The following PIK3C2G variants were observed in gnomAD, a reference collection of about 807,000 sequenced individuals.
PIK3C2G encodes phosphatidylinositol-4-phosphate 3-kinase catalytic subunit type 2 gamma.
A neutral mutation model predicts 181.1 loss-of-function variants in PIK3C2G; 168 were observed. The observed-to-expected ratio is 0.93, with a 90% confidence interval of 0.82 to 1.05. The LOEUF (loss-of-function observed/expected upper bound fraction) is 1.05. Among genes scored for constraint, PIK3C2G ranks in the 50% least tolerant of loss-of-function variants. PIK3C2G has a pLI of 0.00. For synonymous variants in PIK3C2G, 573 were observed against 592.2 expected (o/e 0.97, Z 0.47); for missense variants, 1,869 against 1,732.8 (o/e 1.08, Z -1.40).
At chr12:18,559,795 T>C (rs1451269784) in intron 26 of PIK3C2G, among the ~76,000 whole-genome samples, 6 of 47,232 alleles carry the variant, frequency 1.3e-4, no homozygotes, top group African/African-American at 4.7e-4. Context: ...TATATATATA[T>C]ATATATATAT....
In PIK3C2G at chr12:18,529,359, A is replaced by T. The variant is rs556298193; in HGVS notation, c.3324-8797A>T. Among the ~76,000 whole-genome samples, 41 of 152,042 alleles carry T rather than the reference A, an allele frequency of 2.7e-4. No homozygotes were observed. The East Asian group carries it at 3.5e-3, about 13-fold the overall frequency. ...GTTTTAAGATTTTTCTTACTTTTTT[A>T]AAAAAAATCTAATAGGTACAGTTAA... On this transcript the variant is annotated intron_variant, in intron 24 of 32. Coordinates refer to ENST00000538779, the MANE Select transcript of PIK3C2G (RefSeq NM_001288772.2).
intron 32 of PIK3C2G, among the ~76,000 whole-genome samples, chr12:18,646,611 C>G (rs1458083178): frequency 6.6e-6 from 1 of 152,122 alleles, no homozygotes; most frequent in Non-Finnish European, 1.5e-5. Context: ...GAGGGCTGCC[C>G]TCTCAAGTTG....
chr12:18,549,734 T>A (rs1944624854), intron 26 of PIK3C2G, among the ~76,000 whole-genome samples: 1 of 152,024 alleles, frequency 6.6e-6, no homozygotes. Flanking sequence ...ACCTCAAGCA[T>A]CAGCAGAGAA....
chr12:18,362,972 T>C (rs1941373005), intron 12 of PIK3C2G, 86 bp downstream of exon 12: 3 of 1,038,364 alleles, frequency 2.9e-6, no homozygotes, highest in Non-Finnish European at 2.7e-6. Context: ...GGGATGTAAT[T>C]TAAAAAAAAT....
At chr12:18,693,961 C>G in the PIK3C2G span, 2 of 1,514,474 alleles carry the variant, frequency 1.3e-6, no homozygotes, top group Non-Finnish European at 1.8e-6. Context: ...GTGCTGACAT[C>G]AAGGCAGTCT....
intron 18 of PIK3C2G, among the ~76,000 whole-genome samples, chr12:18,440,558 G>A (rs1418573830): frequency 2.0e-5 from 3 of 152,080 alleles, no homozygotes; most frequent in Non-Finnish European, 4.4e-5. Context: ...AGAGTGAACC[G>A]CCTATGTATC....
At chr12:18,675,462 T>C in the PIK3C2G span, among the ~76,000 whole-genome samples, 6 of 152,132 alleles carry the variant, frequency 3.9e-5, no homozygotes, top group Non-Finnish European at 8.8e-5. Flanking sequence ...AAAGTATGGG[T>C]ATTTCTCACA....
At chr12:18,682,826 T>C in the PIK3C2G span, among the ~76,000 whole-genome samples, 2 of 152,022 alleles carry the variant, frequency 1.3e-5, no homozygotes, top group Admixed American at 6.6e-5. Context: ...ATCTAATTCC[T>C]TCCCACAAAA....
At chr12:18,708,307 C>T in the PIK3C2G span, among the ~76,000 whole-genome samples, 1 of 152,144 alleles carries the variant, frequency 6.6e-6, no homozygotes, top group Admixed American at 6.5e-5. Context: ...TTTCACTTAA[C>T]ATAATGTCCT....
rs139200645 is a variant in PIK3C2G at position 18,312,052 on chromosome 12, C to T, written c.1035-1910C>T. On this transcript the variant is annotated intron_variant, in intron 5 of 32. Coordinates refer to ENST00000538779, the MANE Select transcript of PIK3C2G (RefSeq NM_001288772.2). ...TAGTCCTTCCACGTTTCTCTGCCTGCTTTTATTCTAGCCATGCTGGCAGCT... is the reference window on the plus strand; with the variant it reads ...TAGTCCTTCCACGTTTCTCTGCCTGTTTTTATTCTAGCCATGCTGGCAGCT... Among the ~76,000 whole-genome samples, 236 of 152,202 alleles carry T rather than the reference C, an allele frequency of 1.6e-3. 4 individuals carry two copies. In the East Asian group the frequency reaches 0.043, roughly 28 times the overall value.
intron 16 of PIK3C2G, among the ~76,000 whole-genome samples, chr12:18,415,647 T>C (rs950997458): frequency 7.2e-5 from 11 of 152,254 alleles, no homozygotes; most frequent in South Asian, 2.1e-4. Flanking sequence ...AAAGCTTAGA[T>C]AGGCTAAAAG....
intron 5 of PIK3C2G, among the ~76,000 whole-genome samples, chr12:18,303,506 C>T (rs921822135): frequency 2.6e-5 from 4 of 151,824 alleles, no homozygotes; most frequent in Admixed American, 1.3e-4. Flanking sequence ...TATCTAATTT[C>T]GAATTTTTAG....
chr12:18,610,238 C>G (rs904128971), intron 31 of PIK3C2G, among the ~76,000 whole-genome samples: 2 of 152,008 alleles, frequency 1.3e-5, no homozygotes, highest in African/African-American at 4.8e-5. Flanking sequence ...GAAACCTCAC[C>G]AACTATTTTA....
At chr12:18,696,040 G>C in the PIK3C2G span, 1 of 614,614 alleles carries the variant, frequency 1.6e-6, no homozygotes, top group South Asian at 1.7e-5. Flanking sequence ...AAAGCCCCCG[G>C]GCTAAAAAAT....
intron 18 of PIK3C2G, among the ~76,000 whole-genome samples, chr12:18,428,704 G>A (rs922252806): frequency 1.3e-5 from 2 of 152,164 alleles, no homozygotes; most frequent in Non-Finnish European, 2.9e-5. Context: ...AGGCTCACGT[G>A]AGTCTCTTCC....
intron 31 of PIK3C2G, among the ~76,000 whole-genome samples, chr12:18,616,681 T>C (rs1335024940): frequency 6.6e-6 from 1 of 152,106 alleles, no homozygotes; most frequent in African/African-American, 2.4e-5. Flanking sequence ...CCGTAATCTC[T>C]GCCCTTTCTC....
At chr12:18,632,237 C>T (rs1649070630) in intron 31 of PIK3C2G, among the ~76,000 whole-genome samples, 1 of 152,114 alleles carries the variant, frequency 6.6e-6, no homozygotes, top group African/African-American at 2.4e-5. Context: ...TCAGTACATA[C>T]AGTATATTCA....
chr12:18,545,351 T>A (rs184710230), intron 25 of PIK3C2G, among the ~76,000 whole-genome samples: 5 of 152,028 alleles, frequency 3.3e-5, no homozygotes, highest in Admixed American at 2.6e-4. Flanking sequence ...AGCAAGTTAA[T>A]CACAATTTCA....
chr12:18,715,192 G>GGAGA, the PIK3C2G span, among the ~76,000 whole-genome samples: 241 of 8,944 alleles, frequency 0.027, 55 homozygotes, highest in African/African-American at 0.076. Flanking sequence ...GCGGAGGGAG[G>GGAGA]GAGAGAGAGA....
Sources: gnomAD v4.1 joint callset for allele counts (sites outside exome capture counted in the v4.1 genomes callset) on GRCh38, gnomAD v4.1.1 for gene constraint, MANE v1.5 for transcripts, NCBI Gene and HGNC (gene_info 2026-07-23, HGNC 2026-07-21) for gene names.